The following LRP1B variants were observed in gnomAD, a reference collection of about 807,000 sequenced individuals.
LRP1B encodes the protein LDL receptor related protein 1B, also known as low-density lipoprotein receptor-related protein 1B.
In LRP1B, 217 loss-of-function variants were observed where a neutral mutation model predicts 556.6. The ratio of observed to expected loss-of-function variants is 0.39; its 90% CI spans 0.35 to 0.44. LRP1B has a LOEUF of 0.44. LRP1B is among the 20% of genes least tolerant of loss of function. The pLI, the probability that LRP1B is intolerant of heterozygous loss-of-function variation, is 1.00. For synonymous variants in LRP1B, 2,047 were observed against 1,865.8 expected (o/e 1.10, Z -2.50); for missense variants, 5,053 against 5,620.8 (o/e 0.90, Z 3.23).
At chr2:141,412,185 T>C (rs1369662102) in intron 3 of LRP1B, among the ~76,000 whole-genome samples, 1 of 152,182 alleles carries the variant, frequency 6.6e-6, no homozygotes, top group African/African-American at 2.4e-5. Context: ...GGAGTTCTTA[T>C]CCAGCCCAAG....
At chr2:141,734,648 T>C (rs1574298903) in intron 2 of LRP1B, among the ~76,000 whole-genome samples, 1 of 152,284 alleles carries the variant, frequency 6.6e-6, no homozygotes, top group East Asian at 1.9e-4. Flanking sequence ...GTTTCAGTTC[T>C]CCTATTTTTT....
At chr2:141,826,613 C>G (rs112470174) in intron 1 of LRP1B, among the ~76,000 whole-genome samples, 29,572 of 152,000 alleles carry the variant, frequency 0.19, 3,098 homozygotes, top group Admixed American at 0.28. Flanking sequence ...CCCACCTCAG[C>G]CTCCCAAAGT....
At chr2:142,066,404 T>A (rs1705109419) in intron 1 of LRP1B, among the ~76,000 whole-genome samples, 2 of 151,504 alleles carry the variant, frequency 1.3e-5, no homozygotes, top group Admixed American at 1.3e-4. Context: ...CATATCCAAG[T>A]TCATCGCTTA....
At chr2:140,913,872 C>T (rs1188464209) in intron 21 of LRP1B, among the ~76,000 whole-genome samples, 2 of 151,906 alleles carry the variant, frequency 1.3e-5, no homozygotes, top group Admixed American at 6.6e-5. Flanking sequence ...TTGAACATAA[C>T]GCAGTTTTAC....
rs1438008812 is a variant in LRP1B, at chr2:140,444,622, G to A, written c.10115C>T (p.Pro3372Leu). The A allele has an allele frequency of 1.2e-6, 2 of 1,613,880 alleles. No individual in the cohort carries two copies. The highest frequency in any genetic ancestry group is 1.3e-5 in the African/African-American group (1 of 74,932). The change falls in exon 64 of 91, where the codon CCA (proline) becomes CTA (leucine). Residue 3372 changes from proline (P) to leucine (L), a missense_variant. Physicochemically the swap from Pro to Leu is moderately conservative, Grantham distance 98. This residue lies in a region of LRP1B where 262 missense variants were observed against 395.1 expected (regional missense o/e 0.66). Transcript: ENST00000389484. ...FQCGTGLCAL[P>L]AFICDGENDC... ...ATTCTCTCCATCACAGATGAAAGCTGGTAGAGCACAGAGTCCAGTCCCACA... is the reference window on the plus strand; with the variant it reads ...ATTCTCTCCATCACAGATGAAAGCTAGTAGAGCACAGAGTCCAGTCCCACA...
chr2:141,891,527 A>C (rs1011349233), intron 1 of LRP1B, among the ~76,000 whole-genome samples: 13 of 152,148 alleles, frequency 8.5e-5, no homozygotes, highest in African/African-American at 2.9e-4. Flanking sequence ...CAATGAAACA[A>C]GGTAAGATTT....
intron 6 of LRP1B, among the ~76,000 whole-genome samples, chr2:141,193,631 T>C (rs1324795997): frequency 1.3e-5 from 2 of 151,730 alleles, no homozygotes; most frequent in East Asian, 1.9e-4. Flanking sequence ...AAGACAACTT[T>C]TGGGGACTTG....
intron 6 of LRP1B, among the ~76,000 whole-genome samples, chr2:141,209,449 C>T (rs1420754408): frequency 6.6e-6 from 1 of 152,170 alleles, no homozygotes; most frequent in South Asian, 2.1e-4. Flanking sequence ...TCAATTAAAT[C>T]TCTTTCCTTT....
At chr2:140,343,645 T>TAAGA (rs1681508723) in intron 77 of LRP1B, among the ~76,000 whole-genome samples, 1 of 151,704 alleles carries the variant, frequency 6.6e-6, no homozygotes, top group Admixed American at 6.6e-5. Flanking sequence ...CTTTTTATGG[T>TAAGA]AAGATTCTAC....
chr2:141,764,445 G>C (rs1323333269), intron 2 of LRP1B, among the ~76,000 whole-genome samples: 2 of 152,192 alleles, frequency 1.3e-5, no homozygotes, highest in Non-Finnish European at 2.9e-5. Context: ...GCCTCCCAAA[G>C]TGCTGGGATT....
chr2:140,253,076 C>A (rs535482073), intron 86 of LRP1B, among the ~76,000 whole-genome samples: 2 of 152,072 alleles, frequency 1.3e-5, no homozygotes, highest in African/African-American at 4.8e-5. Flanking sequence ...ACTTTGCATT[C>A]TTTATTCAGA....
At chr2:141,678,456 T>C (rs1690971001) in intron 2 of LRP1B, among the ~76,000 whole-genome samples, 1 of 152,180 alleles carries the variant, frequency 6.6e-6, no homozygotes, top group Non-Finnish European at 1.5e-5. Flanking sequence ...CTATATTGAA[T>C]GTTGCCAACA....
At chr2:141,846,587 A>G (rs1697652182) in intron 1 of LRP1B, among the ~76,000 whole-genome samples, 1 of 151,582 alleles carries the variant, frequency 6.6e-6, no homozygotes. Flanking sequence ...CTAACTATAA[A>G]ACATATTTAT....
intron 7 of LRP1B, among the ~76,000 whole-genome samples, chr2:141,122,768 A>G (rs2105001983): frequency 6.6e-6 from 1 of 152,348 alleles, no homozygotes; most frequent in Non-Finnish European, 1.5e-5. Context: ...CTAAAGGTTT[A>G]TAAATCATGC....
chr2:141,997,415 ATGTGTGTG>A (rs138233497), intron 1 of LRP1B, among the ~76,000 whole-genome samples: 2,123 of 138,304 alleles, frequency 0.015, 26 homozygotes, highest in Non-Finnish European at 0.022. Context: ...AAATGTATAT[ATGTGTGTG>A]TGTGTGTGTG....
intron 2 of LRP1B, among the ~76,000 whole-genome samples, chr2:141,623,157 A>C (rs1688563799): frequency 6.6e-6 from 1 of 151,702 alleles, no homozygotes; most frequent in African/African-American, 2.4e-5. Context: ...TCTGTCTTCA[A>C]AGCTGTGATC....
chr2:141,892,512 A>T (rs1467023712), intron 1 of LRP1B, among the ~76,000 whole-genome samples: 1 of 151,982 alleles, frequency 6.6e-6, no homozygotes, highest in Non-Finnish European at 1.5e-5. Flanking sequence ...TGAAGCTTCT[A>T]TGTCTAATCC....
At chr2:141,465,331 A>G (rs1234850762) in intron 3 of LRP1B, among the ~76,000 whole-genome samples, 4 of 151,998 alleles carry the variant, frequency 2.6e-5, no homozygotes, top group African/African-American at 9.7e-5. Context: ...AAAAAGGGAA[A>G]GAAATGGGGA....
At chr2:141,814,487 G>A (rs937118417) in intron 1 of LRP1B, among the ~76,000 whole-genome samples, 1 of 152,186 alleles carries the variant, frequency 6.6e-6, no homozygotes, top group African/African-American at 2.4e-5. Context: ...AGATCAGCTA[G>A]AATGTTATTG....
Sources: allele counts gnomAD v4.1 joint callset (sites outside exome capture counted in the v4.1 genomes callset), GRCh38; gene constraint gnomAD v4.1.1; regional missense constraint gnomAD v4.1.1; transcripts MANE v1.5; gene names NCBI Gene and HGNC (gene_info 2026-07-23, HGNC 2026-07-21).